Variants in AMPH observed in about 807,000 individuals in gnomAD.
AMPH encodes the protein amphiphysin (Stiff-Mann syndrome with breast cancer 128kD autoantigen).
AMPH carries 49 observed loss-of-function variants against 99.1 expected under a neutral mutation model. That is an observed-to-expected ratio of 0.49 (90% CI 0.39 to 0.63). The LOEUF (loss-of-function observed/expected upper bound fraction) is 0.63. Among genes scored for constraint, AMPH ranks in the 20% least tolerant of loss-of-function variants. The pLI is 0.00. For missense variants in AMPH, 759 were observed against 863.4 expected, an observed-to-expected ratio of 0.88 and a Z score of 1.52; for synonymous variants, 314 against 317.3, an observed-to-expected ratio of 0.99 and a Z score of 0.11.
At chr7:38,392,624 A>T (rs1430266916) in intron 18 of AMPH, 1 of 152,552 alleles carries the variant, frequency 6.6e-6, no homozygotes, top group Non-Finnish European at 1.5e-5. Context: ...TGACCTCGTG[A>T]TCCGCCCACC....
At chr7:38,614,509 G>C (rs1793802264) in intron 1 of AMPH, among the ~76,000 whole-genome samples, 2 of 152,314 alleles carry the variant, frequency 1.3e-5, no homozygotes, top group Middle Eastern at 3.4e-3. Flanking sequence ...GGAAACATCT[G>C]CCCTTTGGAG....
intron 2 of AMPH, among the ~76,000 whole-genome samples, chr7:38,525,277 T>TATATATATATATATATATATAGAG (rs1481528083): frequency 1.2e-5 from 1 of 86,660 alleles, no homozygotes; most frequent in African/African-American, 4.7e-5. Flanking sequence ...TATATATATA[T>TATATATATATATATATATATAGAG]AGAGAGAGAG....
intron 12 of AMPH, among the ~76,000 whole-genome samples, chr7:38,432,838 C>G (rs964187860): frequency 2.6e-5 from 4 of 152,106 alleles, no homozygotes; most frequent in Non-Finnish European, 5.9e-5. Flanking sequence ...GGTAATCATA[C>G]AAATTGGCAG....
chr7:38,574,341 C>T (rs6949378), intron 1 of AMPH, among the ~76,000 whole-genome samples: 4,388 of 152,292 alleles, frequency 0.029, 182 homozygotes, highest in East Asian at 0.085. Context: ...CTGCTCCCCA[C>T]GGCATCTGGC....
intron 1 of AMPH, among the ~76,000 whole-genome samples, chr7:38,569,877 T>C (rs1791879464): frequency 6.6e-6 from 1 of 152,198 alleles, no homozygotes; most frequent in South Asian, 2.1e-4. Flanking sequence ...GCAATTTTCA[T>C]AAAAACAGAA....
intron 1 of AMPH, among the ~76,000 whole-genome samples, chr7:38,575,595 C>T (rs1428130604): frequency 2.0e-5 from 3 of 152,104 alleles, no homozygotes; most frequent in Admixed American, 6.5e-5. Context: ...TCATTTAAAC[C>T]TCTCCTTCCT....
chr7:38,448,211 T>A (rs1017528192), intron 11 of AMPH, among the ~76,000 whole-genome samples: 3 of 152,222 alleles, frequency 2.0e-5, no homozygotes, highest in Non-Finnish European at 4.4e-5. Context: ...ACATTACAGT[T>A]AATGTGAGTC....
chr7:38,630,070 T>C (rs1794401879), intron 1 of AMPH, among the ~76,000 whole-genome samples: 2 of 152,038 alleles, frequency 1.3e-5, no homozygotes, highest in South Asian at 2.1e-4. Flanking sequence ...CAGCCTGAGA[T>C]TGAGATTGGG....
At chr7:38,627,387 C>CAAAAAAAGAA (rs1554381256) in intron 1 of AMPH, among the ~76,000 whole-genome samples, 2 of 116,938 alleles carry the variant, frequency 1.7e-5, no homozygotes, top group Non-Finnish European at 3.4e-5. Context: ...ACTAAAAATA[C>CAAAAAAAGAA]AAAAAAAAAA....
intron 1 of AMPH, among the ~76,000 whole-genome samples, chr7:38,604,316 G>A (rs769971486): frequency 1.1e-4 from 17 of 152,182 alleles, no homozygotes; most frequent in Non-Finnish European, 2.4e-4. Flanking sequence ...ATCCAATGAT[G>A]GCAGGACAGA....
chr7:38,434,194 G>A (rs895882511), intron 12 of AMPH, among the ~76,000 whole-genome samples: 2 of 152,234 alleles, frequency 1.3e-5, no homozygotes, highest in South Asian at 2.1e-4. Flanking sequence ...ACAGCTTGCC[G>A]TCACTGCGGT....
chr7:38,430,909 G>GAAAGTGGCAAT (rs1303254340), intron 13 of AMPH, among the ~76,000 whole-genome samples: 2 of 152,232 alleles, frequency 1.3e-5, no homozygotes, highest in Non-Finnish European at 2.9e-5. Context: ...AAGGGAGAAA[G>GAAAGTGGCAAT]AAAGTGGCAA....
intron 17 of AMPH, among the ~76,000 whole-genome samples, chr7:38,405,487 C>T (rs1784958203): frequency 6.6e-6 from 1 of 151,966 alleles, no homozygotes; most frequent in Non-Finnish European, 1.5e-5. Flanking sequence ...CCACAGGCTC[C>T]AAGTAAAGGG....
At chr7:38,536,034 T>C (rs925751281) in intron 1 of AMPH, among the ~76,000 whole-genome samples, 1 of 152,100 alleles carries the variant, frequency 6.6e-6, no homozygotes, top group Non-Finnish European at 1.5e-5. Context: ...AAAGAAATCA[T>C]GGGATACTCA....
intron 11 of AMPH, among the ~76,000 whole-genome samples, chr7:38,437,490 G>A (rs1441884394): frequency 6.6e-6 from 1 of 151,750 alleles, no homozygotes; most frequent in African/African-American, 2.4e-5. Context: ...AGAAATGTAT[G>A]AAAAGTGAGG....
rs560571929 is a variant in AMPH at position 38,620,803 on chromosome 7, T to G, written c.69+10480A>C. Reference sequence around the variant, plus strand: ...AGTTTACTGCTGTTGTAAAAAAGGATTTTGGATGACAGATAGTTCAGAGGG... The same window carrying G: ...AGTTTACTGCTGTTGTAAAAAAGGAGTTTGGATGACAGATAGTTCAGAGGG... On this transcript the variant is annotated intron_variant, in intron 1 of 20. Coordinates refer to ENST00000356264, the MANE Select transcript of AMPH (RefSeq NM_001635.4). 2.3e-4 allele frequency among the ~76,000 whole-genome samples: 35 copies of G among 152,174 alleles called. No homozygotes were observed. The South Asian group carries it at 3.7e-3, about 16-fold the overall frequency.
intron 11 of AMPH, among the ~76,000 whole-genome samples, chr7:38,459,377 C>G (rs947894690): frequency 6.6e-5 from 10 of 151,988 alleles, no homozygotes; most frequent in African/African-American, 2.4e-4. Flanking sequence ...AAAAAAGAGC[C>G]AAAATAGCCA....
At chr7:38,579,343 G>C (rs1272970193) in intron 1 of AMPH, among the ~76,000 whole-genome samples, 1 of 152,192 alleles carries the variant, frequency 6.6e-6, no homozygotes, top group Non-Finnish European at 1.5e-5. Context: ...AACATGGCCA[G>C]ACTCTCTACC....
intron 2 of AMPH, chr7:38,530,946 G>T (rs1584211974): frequency 6.6e-6 from 1 of 152,148 alleles, no homozygotes; most frequent in Admixed American, 6.5e-5. Context: ...GTTTTTTGTA[G>T]AAGAGTTCAT....
Sources: gnomAD v4.1 joint callset for allele counts (sites outside exome capture counted in the v4.1 genomes callset) on GRCh38, gnomAD v4.1.1 for gene constraint, MANE v1.5 for transcripts, NCBI Gene and HGNC (gene_info 2026-07-23, HGNC 2026-07-21) for gene names.